DPY19L2: variants seen among roughly 807,000 people sequenced by gnomAD.
DPY19L2 encodes the protein probable C-mannosyltransferase DPY19L2.
A neutral mutation model predicts 97.9 loss-of-function variants in DPY19L2; 34 were observed. The observed-to-expected ratio is 0.35, with a 90% CI of 0.26 to 0.46. The LOEUF (loss-of-function observed/expected upper bound fraction) is 0.46, where lower values mean the gene tolerates loss of function less well. Ranked by LOEUF, DPY19L2 falls within the 20% of genes least tolerant of loss-of-function variation. DPY19L2 has a pLI of 1.00. For synonymous variants in DPY19L2, 230 were observed against 307.9 expected, an observed-to-expected ratio of 0.75 and a Z score of 2.65; for missense variants, 623 against 911.4, an observed-to-expected ratio of 0.68 and a Z score of 4.07.
intron 11 of DPY19L2, among the ~76,000 whole-genome samples, chr12:63,611,348 GA>G (rs1444899907): frequency 6.6e-6 from 1 of 151,654 alleles, no homozygotes; most frequent in African/African-American, 2.4e-5. Context: ...ATAGGAATAA[GA>G]AAATAATCCA....
intron 6 of DPY19L2, among the ~76,000 whole-genome samples, chr12:63,643,663 C>G (rs1893007986): frequency 6.6e-6 from 1 of 152,076 alleles, no homozygotes; most frequent in Non-Finnish European, 1.5e-5. Context: ...GGATGGTAGG[C>G]CAGATATATC....
intron 21 of DPY19L2, 80 bp downstream of exon 21, chr12:63,569,144 G>C: frequency 7.0e-7 from 1 of 1,431,476 alleles, no homozygotes; most frequent in Non-Finnish European, 9.2e-7. Flanking sequence ...AATTCTTAAA[G>C]AATCAGGACT....
chr12:63,648,567 A>G (rs1893753735), intron 4 of DPY19L2, among the ~76,000 whole-genome samples: 1 of 151,956 alleles, frequency 6.6e-6, no homozygotes, highest in Non-Finnish European at 1.5e-5. Flanking sequence ...AGCTGGGATT[A>G]CAAGTGCCCA....
At chr12:63,638,586 C>T (rs1892150900) in intron 6 of DPY19L2, among the ~76,000 whole-genome samples, 2 of 152,130 alleles carry the variant, frequency 1.3e-5, no homozygotes, top group Admixed American at 1.3e-4. Context: ...AGAGCCAAAT[C>T]ATGAGTGAAC....
chr12:63,586,097 C>T (rs1370620913), intron 16 of DPY19L2, among the ~76,000 whole-genome samples: 4 of 152,166 alleles, frequency 2.6e-5, no homozygotes, highest in African/African-American at 9.6e-5. Flanking sequence ...AAGAGAACAA[C>T]AACACACACA....
At chr12:63,592,975 T>C (rs1321162881) in intron 16 of DPY19L2, among the ~76,000 whole-genome samples, 17 of 150,376 alleles carry the variant, frequency 1.1e-4, no homozygotes, top group Non-Finnish European at 2.1e-4. Flanking sequence ...AAAAAGTGGG[T>C]GAAGGACATG....
rs1876245730 is a variant in DPY19L2, at chr12:63,560,458, G to T, written c.*54C>A. The stretch of plus-strand genomic sequence containing the variant: ...TTTATTAATGTGAATAAGCCAAAGG[G>T]TGATTGTTTTTGACACACGGCATTG... On this transcript the variant is annotated 3_prime_UTR_variant, in exon 22 of 22. Transcript: ENST00000324472. 2 of 1,574,818 alleles carry T rather than the reference G, an allele frequency of 1.3e-6. No homozygotes were observed. Among genetic ancestry groups the T allele is most frequent in the Admixed American group, 1.8e-5 (1 of 56,694 alleles).
intron 6 of DPY19L2, among the ~76,000 whole-genome samples, chr12:63,641,971 A>C (rs1892764665): frequency 6.6e-6 from 1 of 152,162 alleles, no homozygotes; most frequent in Non-Finnish European, 1.5e-5. Context: ...TTGGTATTTC[A>C]CTGTGGTTTG....
chr12:63,634,594 T>G (rs1891324317), intron 6 of DPY19L2, among the ~76,000 whole-genome samples: 1 of 152,120 alleles, frequency 6.6e-6, no homozygotes, highest in Admixed American at 6.5e-5. Context: ...AATACGGCAC[T>G]TTTCCAACGG....
At chr12:63,581,036 T>A (rs1880796249) in intron 18 of DPY19L2, among the ~76,000 whole-genome samples, 200 bp from the exon 19 acceptor site, 1 of 152,134 alleles carries the variant, frequency 6.6e-6, no homozygotes, top group African/African-American at 2.4e-5. Context: ...AATGGAACTT[T>A]CTCTCCCCTG....
chr12:63,566,694 G>A (rs543280422), intron 21 of DPY19L2, among the ~76,000 whole-genome samples: 104 of 151,902 alleles, frequency 6.8e-4, no homozygotes, highest in African/African-American at 2.3e-3. Context: ...TTCACCTTGC[G>A]AAAAACATCT....
At chr12:63,596,584 A>G (rs187361096) in intron 14 of DPY19L2, among the ~76,000 whole-genome samples, 24 of 152,320 alleles carry the variant, frequency 1.6e-4, no homozygotes, top group African/African-American at 5.8e-4. Flanking sequence ...TCATTTTCCT[A>G]TTTGTCGTGC....
At chr12:63,595,920 T>C in intron 15 of DPY19L2, 46 bp downstream of exon 15, 1 of 1,493,756 alleles carries the variant, frequency 6.7e-7, no homozygotes, top group Non-Finnish European at 9.1e-7. Flanking sequence ...ATTCTTATAG[T>C]CCTTATATTG....
chr12:63,623,924 G>A (rs1232386862), intron 8 of DPY19L2, 116 bp downstream of exon 8: 15 of 716,660 alleles, frequency 2.1e-5, no homozygotes, highest in Non-Finnish European at 3.3e-5. Flanking sequence ...GGCTGGTCTC[G>A]AACTCCTGAC....
chr12:63,660,228 G>A (rs1895498422), intron 4 of DPY19L2, among the ~76,000 whole-genome samples: 2 of 151,830 alleles, frequency 1.3e-5, no homozygotes, highest in Non-Finnish European at 1.5e-5. Context: ...ATACAAAAGT[G>A]TACCTTTTAG....
At chr12:63,663,676 AT>A (rs1895970794) in intron 3 of DPY19L2, 81 bp downstream of exon 3, 1 of 1,236,232 alleles carries the variant, frequency 8.1e-7, no homozygotes, top group Non-Finnish European at 1.1e-6. Context: ...CCAGAAGTTC[AT>A]TTCAATTCCT....
At position 63,635,684 on chromosome 12, in the gene DPY19L2, T is replaced by C. The variant is rs564301834; in HGVS notation, c.803+8719A>G. Among the ~76,000 whole-genome samples, 8 of 152,132 alleles carry C rather than the reference T, an allele frequency of 5.3e-5. No individual in the cohort carries two copies. In the East Asian group the frequency reaches 9.7e-4, roughly 18 times the overall value. ...ATTTGATCAAGTGGAAGAAAGGGTA[T>C]CAGTGATGGACGATCAAATGAATGA... On this transcript the variant is annotated intron_variant, in intron 6 of 21. Coordinates refer to ENST00000324472, the MANE Select transcript of DPY19L2 (RefSeq NM_173812.5).
chr12:63,664,041 T>C (rs753239523), intron 2 of DPY19L2, among the ~76,000 whole-genome samples, 196 bp from the exon 3 acceptor site: 5 of 152,102 alleles, frequency 3.3e-5, no homozygotes, highest in Non-Finnish European at 7.4e-5. Context: ...TCAGTGGTTT[T>C]TAAGCTTAAC....
At chr12:63,611,881 C>G (rs1055141592) in intron 11 of DPY19L2, among the ~76,000 whole-genome samples, 7 of 151,778 alleles carry the variant, frequency 4.6e-5, no homozygotes, top group African/African-American at 1.7e-4. Context: ...AAAATTTTTC[C>G]AAATTTGATA....
Sources: allele counts gnomAD v4.1 joint callset (sites outside exome capture counted in the v4.1 genomes callset), GRCh38; gene constraint gnomAD v4.1.1; transcripts MANE v1.5; gene names NCBI Gene and HGNC (gene_info 2026-07-23, HGNC 2026-07-21).